The following KLRG1 variants were observed in gnomAD, a reference collection of about 807,000 sequenced individuals.
KLRG1 encodes killer cell lectin like receptor G1.
KLRG1 carries 16 observed loss-of-function variants against 21.8 expected under a neutral mutation model. The ratio of observed to expected loss-of-function variants is 0.73; its 90% CI spans 0.50 to 1.11. KLRG1 has a LOEUF of 1.11. KLRG1 is among the 50% of genes most tolerant of loss of function. The pLI is 0.00. For synonymous variants in KLRG1, 69 were observed against 75.9 expected (o/e 0.91, Z 0.47); for missense variants, 173 against 218.3 (o/e 0.79, Z 1.31).
upstream of KLRG1, among the ~76,000 whole-genome samples, chr12:8,985,312 T>G (rs756929954): frequency 5.3e-5 from 8 of 152,270 alleles, no homozygotes; most frequent in South Asian, 1.7e-3. Flanking sequence ...TCAGCTGTGT[T>G]TTTCTTCTGC....
the KLRG1 span, among the ~76,000 whole-genome samples, chr12:9,149,250 G>T: frequency 1.3e-5 from 2 of 152,200 alleles, no homozygotes; most frequent in African/African-American, 4.8e-5. Flanking sequence ...GGCTAGATTT[G>T]GTTTTAGGTG....
the KLRG1 span, among the ~76,000 whole-genome samples, chr12:9,025,058 T>C: frequency 6.6e-6 from 1 of 152,094 alleles, no homozygotes; most frequent in East Asian, 1.9e-4. Context: ...AGTAACATAA[T>C]GAGAGGAGAG....
At chr12:9,164,300 A>G in the KLRG1 span, 26 of 1,596,652 alleles carry the variant, frequency 1.6e-5, no homozygotes, top group Middle Eastern at 5.1e-4. Flanking sequence ...TGATCAGAAT[A>G]TGGAACGACA....
chr12:9,203,782 A>G, the KLRG1 span: 1 of 1,614,142 alleles, frequency 6.2e-7, no homozygotes, highest in Non-Finnish European at 8.5e-7. Flanking sequence ...AAGGAGACAC[A>G]GTGGAATAAG....
chr12:9,095,867 C>G, the KLRG1 span, among the ~76,000 whole-genome samples: 35 of 143,928 alleles, frequency 2.4e-4, no homozygotes, highest in South Asian at 7.1e-3. Context: ...TCACGCCATT[C>G]TCCTGCCTCA....
At chr12:8,967,877 C>A (rs117826632) in intron 1 of KLRG1, among the ~76,000 whole-genome samples, 10 of 151,118 alleles carry the variant, frequency 6.6e-5, no homozygotes, top group Non-Finnish European at 1.3e-4. Context: ...TATTTGAAAG[C>A]AGAATGTGAC....
the KLRG1 span, among the ~76,000 whole-genome samples, chr12:9,075,812 G>A: frequency 6.6e-6 from 1 of 152,132 alleles, no homozygotes; most frequent in Admixed American, 6.5e-5. Context: ...AGGTGGTAGT[G>A]ATACACAAGG....
the KLRG1 span, among the ~76,000 whole-genome samples, chr12:9,112,893 T>C: frequency 8.5e-5 from 13 of 152,174 alleles, no homozygotes; most frequent in Non-Finnish European, 1.2e-4. Flanking sequence ...AAACCCCGTA[T>C]TTTACTGACA....
At chr12:9,149,372 G>A in the KLRG1 span, among the ~76,000 whole-genome samples, 1 of 152,318 alleles carries the variant, frequency 6.6e-6, no homozygotes, top group Admixed American at 6.5e-5. Flanking sequence ...TTTTCTGGGA[G>A]TGAATATCTG....
the KLRG1 span, among the ~76,000 whole-genome samples, chr12:9,034,051 A>G: frequency 3.3e-5 from 5 of 152,218 alleles, no homozygotes; most frequent in Admixed American, 2.6e-4. Context: ...AAATCCATTG[A>G]AGAACCCCAT....
At chr12:9,207,080 CAGG>C in the KLRG1 span, among the ~76,000 whole-genome samples, 1 of 152,288 alleles carries the variant, frequency 6.6e-6, no homozygotes, top group East Asian at 1.9e-4. Flanking sequence ...CTGAGGAAAG[CAGG>C]AGACTTACTG....
chr12:9,165,426 T>A, the KLRG1 span: 1 of 1,584,312 alleles, frequency 6.3e-7, no homozygotes, highest in East Asian at 2.2e-5. Flanking sequence ...TTTTCTCAAG[T>A]GAGAATTAAT....
chr12:9,129,287 T>C, the KLRG1 span, among the ~76,000 whole-genome samples: 1 of 152,186 alleles, frequency 6.6e-6, no homozygotes. Context: ...ATTATTTCAT[T>C]CAATACATAT....
chr12:8,988,491 T>A (rs1373376769), upstream of KLRG1: 6 of 152,194 alleles, frequency 3.9e-5, no homozygotes, highest in Admixed American at 3.3e-4. Context: ...AAGCACTCCC[T>A]GTTTCTCTTC....
At chr12:8,977,691 A>G (rs12827988) in intron 1 of KLRG1, among the ~76,000 whole-genome samples, 52,679 of 151,150 alleles carry the variant, frequency 0.35, 10,565 homozygotes, top group South Asian at 0.44. Context: ...TTATTTGATG[A>G]TTTTTATAGT....
the KLRG1 span, chr12:9,167,483 G>A: frequency 6.6e-6 from 1 of 152,136 alleles, no homozygotes; most frequent in Non-Finnish European, 1.5e-5. Flanking sequence ...TCCCAGGCGA[G>A]GTCGCACAAT....
chr12:9,130,821 T>C, the KLRG1 span, among the ~76,000 whole-genome samples: 318 of 152,300 alleles, frequency 2.1e-3, 2 homozygotes, highest in African/African-American at 7.4e-3. Flanking sequence ...CATTTATCTT[T>C]TTTTGCTTTT....
the KLRG1 span, among the ~76,000 whole-genome samples, chr12:9,089,538 C>G: frequency 1.3e-5 from 2 of 152,074 alleles, no homozygotes; most frequent in Admixed American, 6.5e-5. Context: ...GCCAGGAGTT[C>G]GAGACCAGCC....
the KLRG1 span, among the ~76,000 whole-genome samples, chr12:9,116,905 C>T: frequency 7.4e-6 from 1 of 135,646 alleles, no homozygotes; most frequent in Non-Finnish European, 1.6e-5. Flanking sequence ...GTATAAAATA[C>T]AATATAAAAC....
Sources: allele counts gnomAD v4.1 joint callset (sites outside exome capture counted in the v4.1 genomes callset), GRCh38; gene constraint gnomAD v4.1.1; transcripts MANE v1.5; gene names NCBI Gene and HGNC (gene_info 2026-07-23, HGNC 2026-07-21).